Variants in INPP5D observed in about 807,000 individuals in gnomAD.
INPP5D encodes the protein phosphatidylinositol 3,4,5-trisphosphate 5-phosphatase 1.
In INPP5D, 33 loss-of-function variants were observed where a neutral mutation model predicts 122.9. The ratio of observed to expected loss-of-function variants is 0.27; its 90% CI spans 0.20 to 0.36. The LOEUF (loss-of-function observed/expected upper bound fraction) is 0.36, where lower values mean the gene tolerates loss of function less well. Among genes scored for constraint, INPP5D ranks in the 10% least tolerant of loss-of-function variants. INPP5D has a pLI of 1.00. For missense variants in INPP5D, 1,053 were observed against 1,412.7 expected, an observed-to-expected ratio of 0.75 and a Z score of 4.08; for synonymous variants, 584 against 576.2, an observed-to-expected ratio of 1.01 and a Z score of -0.19.
Position 233,135,658 on chromosome 2 carries a change from A to G in INPP5D, c.666-4184A>G, listed in dbSNP as rs143727943. Among the ~76,000 whole-genome samples the G allele has an allele frequency of 8.8e-4, 132 of 150,772 alleles. 3 individuals carry two copies. Among genetic ancestry groups the G allele is most frequent in the African/African-American group, 2.9e-3 (121 of 41,374 alleles). On this transcript the variant is annotated intron_variant, in intron 5 of 26. Transcript: ENST00000445964. ...AATATATTTAATATTTAAAAATTCAAACTCCTTGACAGTATAATAAAGATT... is the reference window on the plus strand; with the variant it reads ...AATATATTTAATATTTAAAAATTCAGACTCCTTGACAGTATAATAAAGATT...
chr2:233,096,965 T>C (rs899233674), intron 2 of INPP5D, among the ~76,000 whole-genome samples: 3 of 152,224 alleles, frequency 2.0e-5, no homozygotes, highest in African/African-American at 7.2e-5. Flanking sequence ...ATTATTTATT[T>C]AGGGAAAATG....
intron 2 of INPP5D, among the ~76,000 whole-genome samples, chr2:233,080,303 A>G (rs1427155436): frequency 6.6e-6 from 1 of 152,192 alleles, no homozygotes; most frequent in African/African-American, 2.4e-5. Flanking sequence ...ACGGTTTACT[A>G]AAGCCTTTGT....
At chr2:233,156,660 A>G (rs1287462662) in intron 9 of INPP5D, among the ~76,000 whole-genome samples, 1 of 152,182 alleles carries the variant, frequency 6.6e-6, no homozygotes, top group Non-Finnish European at 1.5e-5. Flanking sequence ...GGAGTCACAA[A>G]GGACACACTT....
At chr2:233,159,901 A>C in intron 10 of INPP5D, among the ~76,000 whole-genome samples, 1 of 152,018 alleles carries the variant, frequency 6.6e-6, no homozygotes, top group East Asian at 1.9e-4. Flanking sequence ...GGGAGGTCTA[A>C]GGTGTCCAGA....
At chr2:233,085,505 G>A (rs565545258) in intron 2 of INPP5D, among the ~76,000 whole-genome samples, 1 of 152,078 alleles carries the variant, frequency 6.6e-6, no homozygotes, top group South Asian at 2.1e-4. Flanking sequence ...TTTGAAGCCG[G>A]TGGGAATTCT....
intron 5 of INPP5D, among the ~76,000 whole-genome samples, chr2:233,135,098 A>AAG (rs1489728816): frequency 1.4e-4 from 22 of 152,056 alleles, no homozygotes; most frequent in Middle Eastern, 3.4e-3. Context: ...ATAAAAAAAA[A>AAG]AATTTCCAGG....
At chr2:233,155,139 G>A (rs1363628941) in intron 9 of INPP5D, among the ~76,000 whole-genome samples, 1 of 152,028 alleles carries the variant, frequency 6.6e-6, no homozygotes, top group Non-Finnish European at 1.5e-5. Context: ...AGGAGAAAGA[G>A]AGAAGGGGGA....
chr2:233,122,354 G>A, intron 3 of INPP5D, 97 bp downstream of exon 3: 2 of 1,327,264 alleles, frequency 1.5e-6, no homozygotes, highest in South Asian at 1.4e-5. Context: ...TATTATCAGA[G>A]GGAGATTGTT....
chr2:233,146,060 G>A, intron 6 of INPP5D, 102 bp from the exon 7 acceptor site: 2 of 703,738 alleles, frequency 2.8e-6, no homozygotes, highest in South Asian at 3.0e-5. Flanking sequence ...GGGGCTGCGG[G>A]GAGGCTGGAA....
chr2:233,121,121 C>CTTTTTTTTTTTTTT (rs369587747), intron 2 of INPP5D, among the ~76,000 whole-genome samples: 1 of 117,650 alleles, frequency 8.5e-6, no homozygotes, highest in African/African-American at 3.1e-5. Flanking sequence ...TTCTTTCTTT[C>CTTTTTTTTTTTTTT]TTTTTTTTTT....
chr2:233,206,729 T>C lies in INPP5D; in HGVS notation c.*21T>C, dbSNP rs1191770623. 1 of 768,826 alleles carries C rather than the reference T, an allele frequency of 1.3e-6. No homozygotes were observed. Among genetic ancestry groups the C allele is most frequent in the South Asian group, 1.4e-5 (1 of 72,248 alleles). The allele number at this position is 768,826 out of a possible 1,614,324, so 47.6% of individuals were successfully genotyped here. A position where few individuals can be genotyped will look rare whatever the true frequency, so the allele number is the denominator to read the frequency against. The stretch of plus-strand genomic sequence containing the variant: ...AGTGAAGCCCTCAGTGAGCTGCCAC[T>C]GAGTCGGGAGCCCAGAGGAACGGCG... On this transcript the variant is annotated 3_prime_UTR_variant, in exon 27 of 27. Transcript: ENST00000445964. This position sits in a 1 kb window ranked among gnomAD's most constrained non-coding sequence, Gnocchi z 4.0.
In INPP5D at chr2:233,206,656, A is replaced by G. The variant is rs747708454; in HGVS notation, c.3568-50A>G. 3 of 761,218 alleles carry G rather than the reference A, an allele frequency of 3.9e-6. No homozygotes were observed. The South Asian group carries it at 4.2e-5, about 11-fold the overall frequency. The allele number at this position is 761,218 out of a possible 1,614,324, so 47.2% of individuals were successfully genotyped here. ...AGGGACCTGGGCCACTTAGTTCAACATGGCCTGGTGAGAATGAGCCCTGAC... is the reference window on the plus strand; with the variant it reads ...AGGGACCTGGGCCACTTAGTTCAACGTGGCCTGGTGAGAATGAGCCCTGAC... On this transcript the variant is annotated intron_variant, in intron 26 of 26. Coordinates refer to ENST00000445964, the MANE Select transcript of INPP5D (RefSeq NM_001017915.3). The surrounding 1 kb of genome is among the most constrained non-coding windows in gnomAD (Gnocchi z 4.0).
At chr2:233,187,625 T>A (rs1265107220) in intron 21 of INPP5D, among the ~76,000 whole-genome samples, 1 of 152,068 alleles carries the variant, frequency 6.6e-6, no homozygotes, top group Non-Finnish European at 1.5e-5. Context: ...AACTCCAGAT[T>A]CCCCCAGCTG....
intron 13 of INPP5D, among the ~76,000 whole-genome samples, chr2:233,167,464 C>T (rs1277314916): frequency 6.6e-6 from 1 of 152,138 alleles, no homozygotes; most frequent in Admixed American, 6.5e-5. Flanking sequence ...CATAACTTGC[C>T]CAAGGCCCCG....
At chr2:233,081,723 A>G (rs1691694516) in intron 2 of INPP5D, among the ~76,000 whole-genome samples, 1 of 152,118 alleles carries the variant, frequency 6.6e-6, no homozygotes, top group Non-Finnish European at 1.5e-5. Context: ...GTGCAGAGCC[A>G]GGAAGGAGAA....
chr2:233,134,582 A>C (rs967798652), intron 5 of INPP5D, among the ~76,000 whole-genome samples: 1 of 152,138 alleles, frequency 6.6e-6, no homozygotes, highest in Admixed American at 6.5e-5. Flanking sequence ...ATCTCTTTGC[A>C]GTACAAAGCA....
Position 233,079,375 on chromosome 2 carries a change from G to C in INPP5D, c.175G>C (p.Glu59Gln), listed in dbSNP as rs1187653614. 7 of 1,605,532 alleles carry C rather than the reference G, an allele frequency of 4.4e-6. No individual in the cohort carries two copies. Among genetic ancestry groups the C allele is most frequent in the African/African-American group, 1.3e-5 (1 of 74,858 alleles). Residue 59 changes from glutamate to glutamine, a missense_variant, in exon 2 of 27, where the codon GAA becomes CAA. Transcript: ENST00000445964. ...CVYTYRILPN[E>Q]DDKFTVQASE... ...TTACACTTACAGAATTCTGCCCAAT[G>C]AAGATGATAAATTCACTGTTCAGGT...
chr2:233,206,751 G>C lies in INPP5D; in HGVS notation c.*43G>C, dbSNP rs11036. 1.3e-6 allele frequency: 1 copy of C among 757,740 alleles called. No individual in the cohort carries two copies. The highest frequency in any genetic ancestry group is 2.5e-6 in the Non-Finnish European group (1 of 406,986). The allele number at this position is 757,740 out of a possible 1,614,324, so 46.9% of individuals were successfully genotyped here. On this transcript the variant is annotated 3_prime_UTR_variant, in exon 27 of 27. Transcript: ENST00000445964. The surrounding 1 kb of genome is among the most constrained non-coding windows in gnomAD (Gnocchi z 4.0). ...CACTGAGTCGGGAGCCCAGAGGAAC[G>C]GCGTGAAGCCACTGGACCCTCTCCC...
At position 233,151,720 on chromosome 2, in the gene INPP5D, G is replaced by A. The variant is rs746719539; in HGVS notation, c.1030+4126G>A. ...CAAAGGCTGGGATGTGGATTTTTTC[G>A]TTGTTGTTAACCACTAAATCCCAGA... On this transcript the variant is annotated intron_variant, in intron 9 of 26. Transcript: ENST00000445964. Among the ~76,000 whole-genome samples, 7 of 152,154 alleles carry A rather than the reference G, an allele frequency of 4.6e-5. 1 individual carries two copies. The highest frequency in any genetic ancestry group is 7.2e-5 in the African/African-American group (3 of 41,432).
Sources: allele counts gnomAD v4.1 joint callset (sites outside exome capture counted in the v4.1 genomes callset), GRCh38; gene constraint gnomAD v4.1.1; non-coding constraint Gnocchi (gnomAD v3.1); transcripts MANE v1.5; gene names NCBI Gene and HGNC (gene_info 2026-07-23, HGNC 2026-07-21).